HTR4: variants seen among roughly 807,000 people sequenced by gnomAD.
HTR4 encodes 5-hydroxytryptamine (serotonin) receptor 4, G protein-coupled.
Under a neutral mutation model 36.8 loss-of-function variants are expected in HTR4, and 16 were observed. That is an observed-to-expected ratio of 0.43 (90% CI 0.29 to 0.66). The LOEUF is 0.66. Ranked by LOEUF, HTR4 falls within the 30% of genes least tolerant of loss-of-function variation. The pLI is 0.13. For missense variants in HTR4, 438 were observed against 490.9 expected, an observed-to-expected ratio of 0.89 and a Z score of 1.02; for synonymous variants, 189 against 185.1, an observed-to-expected ratio of 1.02 and a Z score of -0.17.
rs1157289761 is a variant in HTR4, at chr5:148,523,304, C to G, written c.396G>C (p.Lys132Asn). ...TTAATGCGATGCGCAGAGGGGTCAT[C>G]TTGTTCCTATAGACCAAAGGCTGGC... ...ICCQPLVYRN[K>N]MTPLRIALML... Residue 132 changes from lysine to asparagine, a missense_variant, in exon 5 of 7, where the codon AAG becomes AAC. By Grantham distance (94) the Lys-to-Asn change is moderately conservative. Coordinates refer to ENST00000377888, the MANE Select transcript of HTR4 (RefSeq NM_000870.7). The G allele has an allele frequency of 3.1e-6, 5 of 1,613,086 alleles. No homozygotes were observed. Among genetic ancestry groups the G allele is most frequent in the Non-Finnish European group, 4.2e-6 (5 of 1,179,636 alleles).
At chr5:148,596,797 T>C (rs1335455200) in intron 2 of HTR4, among the ~76,000 whole-genome samples, 1 of 150,342 alleles carries the variant, frequency 6.7e-6, no homozygotes, top group Non-Finnish European at 1.5e-5. Flanking sequence ...TTTCATTCAT[T>C]CTGCATATAT....
intron 6 of HTR4, among the ~76,000 whole-genome samples, chr5:148,505,562 A>G (rs1348084676): frequency 6.6e-6 from 1 of 152,196 alleles, no homozygotes; most frequent in African/African-American, 2.4e-5. Context: ...GTATTCAATT[A>G]GGAAAAGAGG....
chr5:148,613,268 G>A (rs974999512), intron 2 of HTR4, among the ~76,000 whole-genome samples: 18 of 138,078 alleles, frequency 1.3e-4, no homozygotes, highest in Non-Finnish European at 2.4e-4. Context: ...GAACATTGAT[G>A]CAAAAATCCT....
At chr5:148,522,471 GA>G (rs916348140) in intron 5 of HTR4, among the ~76,000 whole-genome samples, 1 of 152,150 alleles carries the variant, frequency 6.6e-6, no homozygotes, top group African/African-American at 2.4e-5. Flanking sequence ...TCTCATCTGA[GA>G]AATGGGGGAA....
At chr5:148,475,476 G>A (rs10042851), downstream of HTR4, among the ~76,000 whole-genome samples, 1,118 of 152,284 alleles carry the variant, frequency 7.3e-3, 15 homozygotes, top group African/African-American at 0.026. Context: ...GGATTAAGAG[G>A]CATATTAGGA....
chr5:148,484,608 T>C (rs1471266033), intron 6 of HTR4, among the ~76,000 whole-genome samples: 1 of 152,198 alleles, frequency 6.6e-6, no homozygotes, highest in Admixed American at 6.5e-5. Context: ...ACATCTTGGC[T>C]CAGAGAGAGT....
At chr5:148,501,617 T>C (rs996112664) in intron 6 of HTR4, among the ~76,000 whole-genome samples, 5 of 152,224 alleles carry the variant, frequency 3.3e-5, no homozygotes, top group Admixed American at 1.3e-4. Flanking sequence ...GTATTTGGTA[T>C]ACGGCAGTGA....
intron 2 of HTR4, among the ~76,000 whole-genome samples, chr5:148,557,413 G>C (rs1208216224): frequency 6.6e-6 from 1 of 152,192 alleles, no homozygotes; most frequent in Admixed American, 6.5e-5. Context: ...TTAATGAGAT[G>C]GGTGAAACAC....
intron 1 of HTR4, among the ~76,000 whole-genome samples, chr5:148,640,799 A>G (rs1415037994): frequency 1.3e-5 from 2 of 152,230 alleles, no homozygotes; most frequent in Non-Finnish European, 2.9e-5. Flanking sequence ...TTCAGCTTTA[A>G]AAGCCATTAA....
At chr5:148,614,595 C>T (rs559072720) in intron 2 of HTR4, among the ~76,000 whole-genome samples, 27 of 152,298 alleles carry the variant, frequency 1.8e-4, no homozygotes, top group African/African-American at 6.5e-4. Context: ...AAAACCTAGG[C>T]ATTACCATTC....
chr5:148,469,792 T>G (rs1157891222), intron 5 of HTR4, among the ~76,000 whole-genome samples: 1 of 152,188 alleles, frequency 6.6e-6, no homozygotes, highest in African/African-American at 2.4e-5. Context: ...TGGAGAAAAC[T>G]AACAAACAAC....
At chr5:148,615,794 A>G (rs1163331216) in intron 2 of HTR4, among the ~76,000 whole-genome samples, 1 of 152,206 alleles carries the variant, frequency 6.6e-6, no homozygotes, top group Non-Finnish European at 1.5e-5. Flanking sequence ...CTCTTCTTGC[A>G]GACTGCTCAG....
intron 2 of HTR4, among the ~76,000 whole-genome samples, chr5:148,583,627 C>T (rs1761232509): frequency 6.6e-6 from 1 of 151,482 alleles, no homozygotes; most frequent in Non-Finnish European, 1.5e-5. Flanking sequence ...TCATCATCAT[C>T]ATCATCATCA....
intron 5 of HTR4, among the ~76,000 whole-genome samples, chr5:148,462,195 G>T (rs1436245114): frequency 2.6e-5 from 4 of 151,914 alleles, no homozygotes; most frequent in Admixed American, 6.5e-5. Flanking sequence ...TTGAAAATAA[G>T]AAATTCATAG....
rs1755458762 is a variant in HTR4 at position 148,467,544 on chromosome 5, T to C, written c.1077-16272A>G. Among the ~76,000 whole-genome samples, 6 of 152,322 alleles carry C rather than the reference T, an allele frequency of 3.9e-5. No individual in the cohort carries two copies. The South Asian group carries it at 1.2e-3, about 32-fold the overall frequency. ...AGGATATAATGCTTATGAACACTTG[T>C]TTCCACCACAACATGCTTAAAAATG... is the stretch of plus-strand genomic sequence containing the variant. On this transcript the variant is annotated intron_variant, in intron 5 of 5. Coordinates refer to the HTR4 transcript ENST00000521530.
chr5:148,564,916 C>T (rs769960785), intron 2 of HTR4, among the ~76,000 whole-genome samples: 131 of 151,982 alleles, frequency 8.6e-4, no homozygotes, highest in Non-Finnish European at 1.6e-3. Flanking sequence ...TCGAGACCAG[C>T]CTGGCCAGTA....
rs116776938 is a variant in HTR4 at position 148,597,910 on chromosome 5, A to G, written c.26+39079T>C. 1.7e-3 allele frequency among the ~76,000 whole-genome samples: 254 copies of G among 152,336 alleles called. 3 individuals carry two copies. Among genetic ancestry groups the G allele is most frequent in the African/African-American group, 5.7e-3 (239 of 41,584 alleles). On this transcript the variant is annotated intron_variant, in intron 2 of 6. Coordinates refer to ENST00000377888, the MANE Select transcript of HTR4 (RefSeq NM_000870.7). ...ACACATAGAAAGCATTCCATAAAAGATTTTGTTAAGTTGATGAGCAAATGG... is the reference window on the plus strand; with the variant it reads ...ACACATAGAAAGCATTCCATAAAAGGTTTTGTTAAGTTGATGAGCAAATGG...
At chr5:148,518,897 G>A (rs529011124) in intron 5 of HTR4, among the ~76,000 whole-genome samples, 2 of 152,140 alleles carry the variant, frequency 1.3e-5, no homozygotes, top group Non-Finnish European at 2.9e-5. Context: ...TGAATGTCAT[G>A]TGTAAATCAC....
At chr5:148,475,890 G>C (rs563538494), downstream of HTR4, among the ~76,000 whole-genome samples, 2 of 152,302 alleles carry the variant, frequency 1.3e-5, no homozygotes, top group African/African-American at 4.8e-5. Context: ...CCCTTGCAAA[G>C]AAGAAACTGA....
Sources: gnomAD v4.1 joint callset for allele counts (sites outside exome capture counted in the v4.1 genomes callset) on GRCh38, gnomAD v4.1.1 for gene constraint, MANE v1.5 for transcripts, NCBI Gene and HGNC (gene_info 2026-07-23, HGNC 2026-07-21) for gene names.